The following SGMS2 variants were observed in gnomAD, a reference collection of about 807,000 sequenced individuals.
The protein encoded by SGMS2 is phosphatidylcholine:ceramide cholinephosphotransferase 2.
In SGMS2, 21 loss-of-function variants were observed where a neutral mutation model predicts 43.8. That is an observed-to-expected ratio of 0.48 (90% CI 0.34 to 0.69). SGMS2 has a LOEUF of 0.69. SGMS2 is among the 30% of genes least tolerant of loss of function. The pLI is 0.01. For synonymous variants in SGMS2, 167 were observed against 160.6 expected, an observed-to-expected ratio of 1.04 and a Z score of -0.30; for missense variants, 384 against 443.2, an observed-to-expected ratio of 0.87 and a Z score of 1.20.
chr4:107,885,517 TC>T (rs1333604691), intron 2 of SGMS2, among the ~76,000 whole-genome samples: 1 of 152,316 alleles, frequency 6.6e-6, no homozygotes, highest in East Asian at 1.9e-4. Context: ...GGAAAAGTCT[TC>T]TGCTGCTTTC....
At chr4:107,854,386 GTT>G (rs1339116805) in intron 1 of SGMS2, among the ~76,000 whole-genome samples, 5 of 152,142 alleles carry the variant, frequency 3.3e-5, no homozygotes, top group African/African-American at 1.2e-4. Flanking sequence ...AAAGTTCTGT[GTT>G]TAACTGTTAG....
At chr4:107,854,840 C>T (rs1422106090) in intron 1 of SGMS2, among the ~76,000 whole-genome samples, 3 of 152,280 alleles carry the variant, frequency 2.0e-5, no homozygotes, top group Admixed American at 1.3e-4. Flanking sequence ...CGTCATATGG[C>T]GGTCTTCCCT....
chr4:107,881,832 T>C (rs1284049251), intron 2 of SGMS2, among the ~76,000 whole-genome samples: 1 of 152,198 alleles, frequency 6.6e-6, no homozygotes, highest in Non-Finnish European at 1.5e-5. Context: ...ATTGTTTTAA[T>C]TTTTAGCTCC....
At chr4:107,870,345 G>T (rs1025282937) in intron 2 of SGMS2, among the ~76,000 whole-genome samples, 1 of 152,144 alleles carries the variant, frequency 6.6e-6, no homozygotes, top group African/African-American at 2.4e-5. Flanking sequence ...GCAGGGGAGG[G>T]AGTTTGAAGT....
chr4:107,903,918 A>G (rs879520797), intron 5 of SGMS2, among the ~76,000 whole-genome samples: 4 of 152,146 alleles, frequency 2.6e-5, no homozygotes, highest in Admixed American at 1.3e-4. Flanking sequence ...AGGAGTCTTC[A>G]TGGACCATTT....
chr4:107,856,996 C>T (rs556066015), intron 1 of SGMS2, among the ~76,000 whole-genome samples: 2 of 152,292 alleles, frequency 1.3e-5, no homozygotes, highest in Admixed American at 6.5e-5. Flanking sequence ...CAGAAAGAAA[C>T]CCTATACCCA....
intron 1 of SGMS2, among the ~76,000 whole-genome samples, chr4:107,850,890 G>T (rs949715137): frequency 6.6e-6 from 1 of 152,130 alleles, no homozygotes; most frequent in African/African-American, 2.4e-5. Context: ...TGTTGCTCAA[G>T]ATTCAGTTGC....
intron 2 of SGMS2, among the ~76,000 whole-genome samples, chr4:107,874,936 T>C (rs1382831167): frequency 1.3e-5 from 2 of 152,186 alleles, no homozygotes; most frequent in Non-Finnish European, 2.9e-5. Context: ...TATTAGGTTA[T>C]TTGCAGAAGC....
In SGMS2 at chr4:107,912,357, T is replaced by G. The variant is rs899270179; in HGVS notation, c.*1804T>G. On this transcript the variant is annotated 3_prime_UTR_variant, in exon 7 of 7. Transcript: ENST00000690982. Reference sequence around the variant, plus strand: ...GAAGCACACAGAATTTTCTAGTATTTCTTATTAAATACACCAATAATAAAC... The same window carrying G: ...GAAGCACACAGAATTTTCTAGTATTGCTTATTAAATACACCAATAATAAAC... 1.3e-5 allele frequency: 2 copies of G among 152,338 alleles called. No homozygotes were observed. Among genetic ancestry groups the G allele is most frequent in the Non-Finnish European group, 2.9e-5 (2 of 68,030 alleles). 9.4% of individuals were successfully genotyped at this position (152,338 alleles called of 1,614,324 possible).
rs1732051763 is a variant in SGMS2 at position 107,910,676 on chromosome 4, A to G, written c.*123A>G. The G allele has an allele frequency of 2.4e-6, 2 of 822,464 alleles. No individual in the cohort carries two copies. The highest frequency in any genetic ancestry group is 5.3e-5 in the East Asian group (2 of 37,404). 50.9% of individuals were successfully genotyped at this position (822,464 alleles called of 1,614,324 possible). A position where few individuals can be genotyped will look rare whatever the true frequency, so the allele number is the denominator to read the frequency against. On this transcript the variant is annotated 3_prime_UTR_variant, in exon 7 of 7. Coordinates refer to ENST00000690982, the MANE Select transcript of SGMS2 (RefSeq NM_001375905.1). ...TGAAGAAATGGACCAAATTTTGTGT[A>G]AACGATTAGAAAGATGAACAAAGTA... is the stretch of plus-strand genomic sequence containing the variant.
chr4:107,870,052 G>C (rs1398808405), intron 2 of SGMS2, among the ~76,000 whole-genome samples: 1 of 152,132 alleles, frequency 6.6e-6, no homozygotes, highest in Admixed American at 6.5e-5. Flanking sequence ...TTGGTGAGCT[G>C]TTCTCTATTA....
chr4:107,883,987 A>C (rs1729556304), intron 2 of SGMS2, among the ~76,000 whole-genome samples: 2 of 152,250 alleles, frequency 1.3e-5, no homozygotes, highest in Non-Finnish European at 2.9e-5. Flanking sequence ...TACACTTGTT[A>C]GATTCTAGTC....
In SGMS2 at chr4:107,893,448, C is replaced by T. The variant is rs531222058; in HGVS notation, c.-244-1862C>T. 13 of 152,178 alleles carry T rather than the reference C, an allele frequency of 8.5e-5. No individual in the cohort carries two copies. The East Asian group carries it at 2.1e-3, about 25-fold the overall frequency. The allele number at this position is 152,178 out of a possible 1,614,324, so 9.4% of individuals were successfully genotyped here. On this transcript the variant is annotated intron_variant, in intron 2 of 6. Coordinates refer to ENST00000690982, the MANE Select transcript of SGMS2 (RefSeq NM_001375905.1). ...TGGCTGTGTTAGTGCTTCGGACCTC[C>T]GTTAGAAGTAGCAGTTCATGGTGTT...
At chr4:107,842,292 G>A (rs1034265553) in intron 1 of SGMS2, among the ~76,000 whole-genome samples, 3 of 152,166 alleles carry the variant, frequency 2.0e-5, no homozygotes, top group Admixed American at 6.6e-5. Flanking sequence ...TCTGCTTCTG[G>A]TGAGGGCCTC....
intron 1 of SGMS2, among the ~76,000 whole-genome samples, chr4:107,844,620 C>G (rs567171364): frequency 6.6e-6 from 1 of 152,252 alleles, no homozygotes; most frequent in South Asian, 2.1e-4. Context: ...GTGGGAGGAT[C>G]ACCTGACCTC....
chr4:107,850,576 G>T (rs995089915), intron 1 of SGMS2, among the ~76,000 whole-genome samples: 13 of 152,248 alleles, frequency 8.5e-5, no homozygotes, highest in African/African-American at 3.1e-4. Context: ...GGCATCCAGG[G>T]TACCTAGCCC....
intron 4 of SGMS2, among the ~76,000 whole-genome samples, chr4:107,902,289 C>CAAAAAAAAAAAAAAAAAAAAAA (rs34388036): frequency 8.0e-6 from 1 of 124,570 alleles, no homozygotes; most frequent in Non-Finnish European, 1.6e-5. Context: ...GACCCTGTCT[C>CAAAAAAAAAAAAAAAAAAAAAA]AAAAAAAAAA....
chr4:107,883,170 T>G (rs946291574), intron 2 of SGMS2, among the ~76,000 whole-genome samples: 1 of 152,182 alleles, frequency 6.6e-6, no homozygotes, highest in African/African-American at 2.4e-5. Context: ...GAGCTTCAGA[T>G]CTGAACTGCC....
chr4:107,831,736 T>C (rs1403649476), intron 1 of SGMS2, among the ~76,000 whole-genome samples: 1 of 152,206 alleles, frequency 6.6e-6, no homozygotes, highest in Admixed American at 6.5e-5. Context: ...CTGTCCCATA[T>C]TTTTCCCTCC....
Sources: gnomAD v4.1 joint callset for allele counts (sites outside exome capture counted in the v4.1 genomes callset) on GRCh38, gnomAD v4.1.1 for gene constraint, MANE v1.5 for transcripts, NCBI Gene and HGNC (gene_info 2026-07-23, HGNC 2026-07-21) for gene names.